Variants in NINJ2 observed in about 807,000 individuals in gnomAD.
NINJ2 encodes ninjurin-2.
A neutral mutation model predicts 11.7 loss-of-function variants in NINJ2; 12 were observed. The ratio of observed to expected loss-of-function variants is 1.02; its 90% CI spans 0.66 to 1.66. NINJ2 has a LOEUF of 1.66. Ranked by LOEUF, NINJ2 falls within the 40% of genes most tolerant of loss-of-function variation. NINJ2 has a pLI of 0.00. For synonymous variants in NINJ2, 93 were observed against 76.8 expected (o/e 1.21, Z -1.10); for missense variants, 187 against 181.8 (o/e 1.03, Z -0.16).
At chr12:569,605 C>T (rs1278087906) in intron 1 of NINJ2, among the ~76,000 whole-genome samples, 1 of 152,192 alleles carries the variant, frequency 6.6e-6, no homozygotes, top group Non-Finnish European at 1.5e-5. Flanking sequence ...AAACCCAAAC[C>T]TCTAGTGGCA....
chr12:609,438 G>C (rs914551020), intron 1 of NINJ2, among the ~76,000 whole-genome samples: 1 of 152,214 alleles, frequency 6.6e-6, no homozygotes, highest in Non-Finnish European at 1.5e-5. Context: ...TGTAGTCCTT[G>C]TGAGCTGAGC....
intron 1 of NINJ2, among the ~76,000 whole-genome samples, chr12:662,232 G>A (rs192608720): frequency 3.9e-5 from 6 of 152,172 alleles, no homozygotes; most frequent in Admixed American, 6.5e-5. Context: ...GACCGCTCTC[G>A]GGGCTGGCTG....
intron 2 of NINJ2, 133 bp from the exon 3 acceptor site, chr12:565,534 C>T (rs1044441109): frequency 7.5e-6 from 7 of 934,988 alleles, no homozygotes; most frequent in African/African-American, 4.9e-5. Context: ...GGGAGGTGGT[C>T]GTCATCGGGC....
chr12:627,596 G>A (rs1188145137), intron 1 of NINJ2, among the ~76,000 whole-genome samples: 1 of 152,246 alleles, frequency 6.6e-6, no homozygotes, highest in East Asian at 1.9e-4. Context: ...TTCATGAGAG[G>A]CAGGGGCAGA....
chr12:648,996 GTCTATCTATCTA>G (rs4017978), intron 1 of NINJ2, among the ~76,000 whole-genome samples: 1 of 148,912 alleles, frequency 6.7e-6, no homozygotes, highest in African/African-American at 2.5e-5. Context: ...CTATCTATCT[GTCTATCTATCTA>G]TCTATCTATC....
intron 1 of NINJ2, among the ~76,000 whole-genome samples, chr12:646,096 A>G (rs1481922973): frequency 1.3e-5 from 2 of 152,196 alleles, no homozygotes; most frequent in Non-Finnish European, 2.9e-5. Flanking sequence ...AGCCACTACT[A>G]CTGTGACTAG....
At chr12:568,605 T>TA (rs1360623736) in intron 1 of NINJ2, among the ~76,000 whole-genome samples, 2 of 152,158 alleles carry the variant, frequency 1.3e-5, no homozygotes, top group Non-Finnish European at 2.9e-5. Flanking sequence ...GGATCAAACA[T>TA]ATAGGAGTGG....
chr12:662,848 C>T (rs1937975871), intron 1 of NINJ2, among the ~76,000 whole-genome samples: 1 of 152,236 alleles, frequency 6.6e-6, no homozygotes, highest in Non-Finnish European at 1.5e-5. Context: ...TTCTGTCCTA[C>T]ACAGTAGAGC....
At chr12:659,077 TTATA>T (rs56102442) in intron 1 of NINJ2, among the ~76,000 whole-genome samples, 3 of 147,146 alleles carry the variant, frequency 2.0e-5, no homozygotes, top group Admixed American at 6.8e-5. Flanking sequence ...ATATAACTGC[TTATA>T]TATATATATG....
At chr12:637,640 CAAAAAAA>C (rs1237593355) in intron 1 of NINJ2, among the ~76,000 whole-genome samples, 1 of 90,904 alleles carries the variant, frequency 1.1e-5, no homozygotes, top group African/African-American at 4.1e-5. Flanking sequence ...GACTCCATCT[CAAAAAAA>C]AAAAAAAAGA....
chr12:643,402 C>T (rs888363520), intron 1 of NINJ2: 1 of 979,048 alleles, frequency 1.0e-6, no homozygotes, highest in African/African-American at 1.7e-5. Context: ...GCAGTCGCGC[C>T]AGCCCTCGGG....
intron 1 of NINJ2, among the ~76,000 whole-genome samples, chr12:601,276 G>A (rs1250426684): frequency 6.6e-6 from 1 of 152,254 alleles, no homozygotes; most frequent in Non-Finnish European, 1.5e-5. Flanking sequence ...GCCGGGCGCA[G>A]TGGCTCACGC....
At chr12:636,361 AG>A (rs1948352030) in intron 1 of NINJ2, among the ~76,000 whole-genome samples, 1 of 151,058 alleles carries the variant, frequency 6.6e-6, no homozygotes, top group African/African-American at 2.4e-5. Context: ...GGGCAACAAG[AG>A]CAAAACTCCA....
intron 1 of NINJ2, among the ~76,000 whole-genome samples, chr12:607,771 G>A (rs1426438173): frequency 2.0e-5 from 3 of 152,188 alleles, no homozygotes; most frequent in African/African-American, 4.8e-5. Context: ...TGCTTTTTCA[G>A]GCAGAAACCT....
chr12:572,850 ATTTTTTTTTT>A (rs539715060), intron 1 of NINJ2, among the ~76,000 whole-genome samples: 1 of 96,166 alleles, frequency 1.0e-5, no homozygotes, highest in Non-Finnish European at 1.9e-5. Context: ...AGAGCCTGTA[ATTTTTTTTTT>A]TTTTTTTTTT....
At chr12:610,625 G>A (rs568695670) in intron 1 of NINJ2, 431 of 985,294 alleles carry the variant, frequency 4.4e-4, no homozygotes, top group Admixed American at 2.4e-3. Context: ...TACCAGGCAG[G>A]GACTTAATAT....
At chr12:632,759 A>G (rs924083586) in intron 1 of NINJ2, 20 of 152,268 alleles carry the variant, frequency 1.3e-4, no homozygotes, top group African/African-American at 4.8e-4. Context: ...GTTTTCATGT[A>G]TCTTCATCAA....
At chr12:624,325 T>C (rs1323075803) in intron 1 of NINJ2, among the ~76,000 whole-genome samples, 1 of 152,228 alleles carries the variant, frequency 6.6e-6, no homozygotes, top group East Asian at 1.9e-4. Context: ...AATCAATTTA[T>C]CCAATAGATA....
intron 1 of NINJ2, among the ~76,000 whole-genome samples, chr12:648,324 T>C (rs1224278708): frequency 6.6e-6 from 1 of 152,226 alleles, no homozygotes; most frequent in African/African-American, 2.4e-5. Context: ...ATGATCCGCC[T>C]GCCTTGGCCT....
Sources: gnomAD v4.1 joint callset for allele counts (sites outside exome capture counted in the v4.1 genomes callset) on GRCh38, gnomAD v4.1.1 for gene constraint, MANE v1.5 for transcripts, NCBI Gene and HGNC (gene_info 2026-07-23, HGNC 2026-07-21) for gene names.